Variants in BTBD8 observed in about 807,000 individuals in gnomAD.
BTBD8 encodes the protein BTB/POZ domain-containing protein 8.
BTBD8 carries 110 observed loss-of-function variants against 162.9 expected under a neutral mutation model. The observed-to-expected ratio is 0.68, with a 90% CI of 0.58 to 0.79. BTBD8 has a LOEUF of 0.79. Ranked by LOEUF, BTBD8 falls within the 30% of genes least tolerant of loss-of-function variation. The pLI is 0.00. For synonymous variants in BTBD8, 667 were observed against 716.1 expected, an observed-to-expected ratio of 0.93 and a Z score of 1.10; for missense variants, 1,905 against 2,085.4, an observed-to-expected ratio of 0.91 and a Z score of 1.68.
rs564960926 is a variant in BTBD8, at chr1:92,164,461, T to C, written c.1123-2497T>C. 3.3e-5 allele frequency among the ~76,000 whole-genome samples: 5 copies of C among 152,094 alleles called. No homozygotes were observed. In the East Asian group the frequency reaches 9.7e-4, roughly 30 times the overall value. On this transcript the variant is annotated intron_variant, in intron 9 of 17. Transcript: ENST00000636805. ...GGTGAAACCCCATCTCTACTAAAAATACAAAAAATTAGCTGGGCATGGTGG... is the reference window on the plus strand; with the variant it reads ...GGTGAAACCCCATCTCTACTAAAAACACAAAAAATTAGCTGGGCATGGTGG...
intron 4 of BTBD8, among the ~76,000 whole-genome samples, chr1:92,124,916 A>T (rs746058331): frequency 2.3e-4 from 35 of 152,112 alleles, no homozygotes; most frequent in East Asian, 3.9e-4. Context: ...CTCTTTTTTT[A>T]AAATTTAAAA....
At chr1:92,093,917 T>C (rs1284994192) in intron 2 of BTBD8, among the ~76,000 whole-genome samples, 1 of 152,230 alleles carries the variant, frequency 6.6e-6, no homozygotes, top group African/African-American at 2.4e-5. Context: ...GATCAAATTT[T>C]TATACATTAG....
intron 2 of BTBD8, among the ~76,000 whole-genome samples, chr1:92,090,552 T>C (rs2101894197): frequency 6.6e-6 from 1 of 152,350 alleles, no homozygotes; most frequent in Admixed American, 6.5e-5. Context: ...ATCACAAATA[T>C]GATTTATAAA....
rs1370845314 is a variant in BTBD8, at chr1:92,177,594, C to A, written c.2353+48C>A. ...TTAATATCTCCTGACAGTTAAATTT[C>A]CTTCAAAAAACAAAAACCTAAACCT... On this transcript the variant is annotated intron_variant, in intron 14 of 17. Coordinates refer to ENST00000636805, the MANE Select transcript of BTBD8 (RefSeq NM_001376131.1). 3 of 1,324,014 alleles carry A rather than the reference C, an allele frequency of 2.3e-6. No individual in the cohort carries two copies. The African/African-American group carries it at 4.5e-5, about 20-fold the overall frequency. 82.0% of individuals were successfully genotyped at this position (1,324,014 alleles called of 1,614,324 possible).
chr1:92,091,258 G>A (rs766706050), intron 2 of BTBD8, among the ~76,000 whole-genome samples: 1 of 151,972 alleles, frequency 6.6e-6, no homozygotes, highest in Non-Finnish European at 1.5e-5. Context: ...CTCCTCCTCC[G>A]GCCATGTAAG....
intron 11 of BTBD8, 62 bp from the exon 12 acceptor site, chr1:92,168,804 T>TTC: frequency 2.8e-6 from 4 of 1,422,670 alleles, no homozygotes; most frequent in Non-Finnish European, 3.8e-6. Flanking sequence ...CTGAAAGGAA[T>TTC]AATGACTGGT....
chr1:92,090,657 C>T (rs1206803073), intron 2 of BTBD8, among the ~76,000 whole-genome samples: 1 of 152,310 alleles, frequency 6.6e-6, no homozygotes, highest in Non-Finnish European at 1.5e-5. Context: ...AGGCCAGGTG[C>T]GATGGCTCAC....
chr1:92,139,370 A>G lies in BTBD8; in HGVS notation c.773A>G (p.Asn258Ser). The change falls in exon 6 of 18, where the codon AAT becomes AGT. Residue 258 changes from asparagine (N) to serine (S), a missense_variant. Coordinates refer to ENST00000636805, the MANE Select transcript of BTBD8 (RefSeq NM_001376131.1). ...TTCAGTATAAGCCATGTAGAACTGA[A>G]TGTTATGATGCATTTTATATATGGA... ...TLQGISHVEL[N>S]VMMHFIYGGT... is the part of the protein sequence containing the mutation. 6.3e-7 allele frequency: 1 copy of G among 1,591,088 alleles called. No homozygotes were observed. The highest frequency in any genetic ancestry group is 1.2e-5 in the South Asian group (1 of 84,710).
rs1244833802 is a variant in BTBD8, at chr1:92,184,249, C to T, written c.5298C>T (p.Ser1766=). 3.2e-6 allele frequency: 5 copies of T among 1,551,498 alleles called. No homozygotes were observed. In the South Asian group the frequency reaches 4.8e-5, roughly 15 times the overall value. ...ELTSPLDSSA[S]ITMASFSSED... Reference sequence around the variant, plus strand: ...CATCTCCACTTGATTCCTCAGCGAGCATCACCATGGCTAGTTTTTCCTCTG... The same window carrying T: ...CATCTCCACTTGATTCCTCAGCGAGTATCACCATGGCTAGTTTTTCCTCTG... Residue 1766 remains serine, a synonymous_variant, in exon 18 of 18, where the codon AGC becomes AGT. Coordinates refer to ENST00000636805, the MANE Select transcript of BTBD8 (RefSeq NM_001376131.1).
chr1:92,118,239 G>A (rs1476005629), intron 4 of BTBD8, among the ~76,000 whole-genome samples: 1 of 147,308 alleles, frequency 6.8e-6, no homozygotes, highest in Non-Finnish European at 1.5e-5. Context: ...TAGTTGTCCT[G>A]TCTCCTTAGG....
rs1227360736 is a variant in BTBD8, at chr1:92,088,815, A to G, written c.267A>G (p.Gly89=). The change falls in exon 2 of 18, where the codon GGA becomes GGG. Residue 89 remains glycine, a synonymous_variant. Coordinates refer to ENST00000636805, the MANE Select transcript of BTBD8 (RefSeq NM_001376131.1). The part of the protein sequence containing the change: ...RVPDFYFHTI[G]QTSNSLTNQE... The stretch of plus-strand genomic sequence containing the variant: ...CTGACTTCTATTTTCATACTATTGG[A>G]CAGACATCAAATAGTTTAACAAATC... The G allele has an allele frequency of 2.5e-6, 4 of 1,613,242 alleles. No homozygotes were observed. The highest frequency in any genetic ancestry group is 3.4e-6 in the Non-Finnish European group (4 of 1,179,554).
intron 12 of BTBD8, 56 bp from the exon 13 acceptor site, chr1:92,171,343 C>T: frequency 1.5e-6 from 2 of 1,299,516 alleles, no homozygotes; most frequent in Non-Finnish European, 2.1e-6. Flanking sequence ...TTTTCCTTTA[C>T]TTCTAAGGTA....
chr1:92,168,826 T>C, intron 11 of BTBD8, 40 bp from the exon 12 acceptor site: 1 of 1,477,896 alleles, frequency 6.8e-7, no homozygotes, highest in Non-Finnish European at 9.1e-7. Context: ...GCTATGACAA[T>C]GTGGCTCTCA....
intron 2 of BTBD8, among the ~76,000 whole-genome samples, chr1:92,094,207 C>T (rs963354325): frequency 1.3e-5 from 2 of 152,116 alleles, no homozygotes; most frequent in African/African-American, 2.4e-5. Flanking sequence ...TTAGGTTAGT[C>T]GTGTGTGTCT....
At chr1:92,111,157 C>T (rs780334116) in intron 4 of BTBD8, among the ~76,000 whole-genome samples, 2 of 151,486 alleles carry the variant, frequency 1.3e-5, no homozygotes, top group Non-Finnish European at 2.9e-5. Flanking sequence ...ACGCTTGGCT[C>T]ATTTTTGTGC....
intron 2 of BTBD8, among the ~76,000 whole-genome samples, chr1:92,098,330 A>G (rs1648506210): frequency 6.6e-6 from 1 of 152,152 alleles, no homozygotes; most frequent in Non-Finnish European, 1.5e-5. Flanking sequence ...TCATCAGATG[A>G]TAGGCTTTTG....
chr1:92,131,723 CAA>C (rs1377974623), intron 5 of BTBD8, among the ~76,000 whole-genome samples: 6 of 80,022 alleles, frequency 7.5e-5, no homozygotes, highest in Admixed American at 1.4e-4. Context: ...GACTCTGTCT[CAA>C]AAAAAAAAAA....
intron 9 of BTBD8, among the ~76,000 whole-genome samples, chr1:92,154,549 C>G (rs1264567095): frequency 6.6e-6 from 1 of 152,142 alleles, no homozygotes; most frequent in African/African-American, 2.4e-5. Context: ...CATAGAACAT[C>G]TTTTCATATA....
chr1:92,094,926 CG>C (rs1197641158), intron 2 of BTBD8, among the ~76,000 whole-genome samples: 1 of 152,206 alleles, frequency 6.6e-6, no homozygotes, highest in Non-Finnish European at 1.5e-5. Flanking sequence ...CTTTCTCTGG[CG>C]GTAGCCATTG....
Sources: allele counts gnomAD v4.1 joint callset (sites outside exome capture counted in the v4.1 genomes callset), GRCh38; gene constraint gnomAD v4.1.1; transcripts MANE v1.5; gene names NCBI Gene and HGNC (gene_info 2026-07-23, HGNC 2026-07-21).